Variants in PCDHA5 observed in about 807,000 individuals in gnomAD.
The protein encoded by PCDHA5 is protocadherin alpha 5.
Under a neutral mutation model 61.6 loss-of-function variants are expected in PCDHA5, and 43 were observed. That is an observed-to-expected ratio of 0.70 (90% CI 0.55 to 0.90). PCDHA5 has a LOEUF of 0.90. Ranked by LOEUF, PCDHA5 falls within the 40% of genes least tolerant of loss-of-function variation. The probability of loss-of-function intolerance (pLI) is 0.00; values close to 1 mark genes in which losing one functional copy is unlikely to be tolerated. For synonymous variants in PCDHA5, 627 were observed against 543.9 expected (o/e 1.15, Z -2.13); for missense variants, 1,298 against 1,222.7 (o/e 1.06, Z -0.92).
intron 3 of PCDHA5, among the ~76,000 whole-genome samples, chr5:140,982,945 G>A (rs2097017253): frequency 6.6e-6 from 1 of 151,722 alleles, no homozygotes; most frequent in Non-Finnish European, 1.5e-5. Flanking sequence ...TTTGGTTGAA[G>A]ACTATGGAAA....
At chr5:140,881,559 C>A (rs1293330721) in intron 1 of PCDHA5, among the ~76,000 whole-genome samples, 1 of 152,174 alleles carries the variant, frequency 6.6e-6, no homozygotes, top group East Asian at 1.9e-4. Context: ...ATATAAATAT[C>A]TTATCTACAT....
chr5:140,822,636 T>A lies in PCDHA5; in HGVS notation c.861T>A (p.Asp287Glu). The change falls in exon 1 of 4, where the codon GAT becomes GAA. Residue 287 changes from aspartate to glutamate, a missense_variant. Coordinates refer to ENST00000529859, the MANE Select transcript of PCDHA5 (RefSeq NM_018908.3). Reference sequence around the variant, plus strand: ...TCTTTAGTAATCTTGTTCTTGACGATGTAAAGTCCAAATTTATAATTAATT... The same window carrying A: ...TCTTTAGTAATCTTGTTCTTGACGAAGTAAAGTCCAAATTTATAATTAATT... Reference protein sequence around the residue: ...VYFFSNLVLDDVKSKFIINSN... With the variant: ...VYFFSNLVLDEVKSKFIINSN... 1 of 1,610,778 alleles carries A rather than the reference T, an allele frequency of 6.2e-7. No homozygotes were observed. Among genetic ancestry groups the A allele is most frequent in the Non-Finnish European group, 8.5e-7 (1 of 1,177,920 alleles).
intron 1 of PCDHA5, among the ~76,000 whole-genome samples, chr5:140,905,180 TAA>T (rs2071657008): frequency 6.6e-6 from 1 of 152,224 alleles, no homozygotes; most frequent in Non-Finnish European, 1.5e-5. Flanking sequence ...GTTTTAGATT[TAA>T]GTCTTTGATC....
At chr5:140,959,343 C>T (rs1370310453) in intron 1 of PCDHA5, among the ~76,000 whole-genome samples, 1 of 152,052 alleles carries the variant, frequency 6.6e-6, no homozygotes, top group Admixed American at 6.6e-5. Context: ...CTACTGCACT[C>T]CAGCGGGACA....
At chr5:140,973,272 TC>T (rs1412629943) in intron 1 of PCDHA5, among the ~76,000 whole-genome samples, 1 of 152,134 alleles carries the variant, frequency 6.6e-6, no homozygotes, top group African/African-American at 2.4e-5. Flanking sequence ...TACTTTTATT[TC>T]CCCCAGCACT....
In PCDHA5 at chr5:141,005,071, G is replaced by A. The variant is rs115656219; in HGVS notation, c.2501-4556G>A. On this transcript the variant is annotated intron_variant, in intron 3 of 3. Coordinates refer to ENST00000529859, the MANE Select transcript of PCDHA5 (RefSeq NM_018908.3). ...TACTGAATTCTTGCATTGTGCTAAG[G>A]ATCAAGCTTAGTACTTTACATGCAT... 5.2e-3 allele frequency among the ~76,000 whole-genome samples: 796 copies of A among 152,278 alleles called. 8 individuals are homozygous for A. The highest frequency in any genetic ancestry group is 0.018 in the African/African-American group (745 of 41,556).
At chr5:140,836,351 G>C (rs151141737) in intron 1 of PCDHA5, 18 of 1,613,578 alleles carry the variant, frequency 1.1e-5, no homozygotes, top group Non-Finnish European at 1.5e-5. Flanking sequence ...ACCACGGGGA[G>C]CCCTCGCTGA....
At chr5:140,827,753 TTTAAA>T (rs1769386712) in intron 1 of PCDHA5, among the ~76,000 whole-genome samples, 1 of 152,340 alleles carries the variant, frequency 6.6e-6, no homozygotes, top group South Asian at 2.1e-4. Context: ...GATCCCTTAC[TTTAAA>T]TTAATAAAAG....
chr5:140,882,859 G>A (rs2059337136), intron 1 of PCDHA5: 1 of 1,614,192 alleles, frequency 6.2e-7, no homozygotes, highest in East Asian at 2.2e-5. Context: ...TTGTACTGAG[G>A]AAAACACTGG....
chr5:140,822,002 T>G lies in PCDHA5; in HGVS notation c.227T>G (p.Val76Gly). 6.2e-7 allele frequency: 1 copy of G among 1,614,048 alleles called. No homozygotes were observed. Among genetic ancestry groups the G allele is most frequent in the Non-Finnish European group, 8.5e-7 (1 of 1,180,040 alleles). ...ASKGRGDLLEVNLQNGILFVN... is the reference protein window; with the variant it reads ...ASKGRGDLLEGNLQNGILFVN... ...AAGGGCCGCGGGGACCTTCTGGAGG[T>G]AAATCTGCAGAATGGCATTTTGTTT... Residue 76 changes from valine to glycine, a missense_variant, in exon 1 of 4, where the codon GTA (valine) becomes GGA (glycine). Val to Gly is a moderately radical substitution (Grantham distance 109, BLOSUM62 -3). Coordinates refer to ENST00000529859, the MANE Select transcript of PCDHA5 (RefSeq NM_018908.3).
At chr5:140,906,253 A>ACCTC (rs1329710908) in intron 1 of PCDHA5, among the ~76,000 whole-genome samples, 2 of 152,064 alleles carry the variant, frequency 1.3e-5, no homozygotes, top group African/African-American at 4.8e-5. Flanking sequence ...ACCCATACAC[A>ACCTC]CCTCCTGAAA....
rs543277248 is a variant in PCDHA5, at chr5:140,857,767, C to A, written c.2352+33640C>A. ...TGGCGTCTCCCGCTGGCAGCGCGGG[C>A]GGTGCAGTCAGTGAGCTGGTGCTGC... On this transcript the variant is annotated intron_variant, in intron 1 of 3. Coordinates refer to ENST00000529859, the MANE Select transcript of PCDHA5 (RefSeq NM_018908.3). 127 of 1,597,456 alleles carry A rather than the reference C, an allele frequency of 8.0e-5. 4 individuals are homozygous for A. The South Asian group carries it at 1.3e-3, about 16-fold the overall frequency.
In PCDHA5 at chr5:140,875,548, G is replaced by A. The variant is rs782463775; in HGVS notation, c.2352+51421G>A. On this transcript the variant is annotated intron_variant, in intron 1 of 3. Coordinates refer to ENST00000529859, the MANE Select transcript of PCDHA5 (RefSeq NM_018908.3). ...GCTTCTGCTCCTTGCAGCCTGGGAG[G>A]TGGGGAGCGGCCAGCTCCACTACTC... 24 of 1,614,054 alleles carry A rather than the reference G, an allele frequency of 1.5e-5. 1 individual carries two copies. The Admixed American group carries it at 3.5e-4, about 24-fold the overall frequency.
chr5:141,007,812 G>C (rs1446053616), intron 3 of PCDHA5, among the ~76,000 whole-genome samples: 2 of 152,078 alleles, frequency 1.3e-5, no homozygotes, highest in Non-Finnish European at 2.9e-5. Context: ...CCATTCATTT[G>C]CCTTCCCCCA....
chr5:140,923,456 G>T (rs1554201450), intron 1 of PCDHA5, among the ~76,000 whole-genome samples: 3 of 152,134 alleles, frequency 2.0e-5, no homozygotes, highest in African/African-American at 7.2e-5. Flanking sequence ...TGAGCCCAGA[G>T]AGGTAGGGGC....
chr5:140,914,755 T>G (rs1175753765), intron 1 of PCDHA5, among the ~76,000 whole-genome samples: 1 of 152,270 alleles, frequency 6.6e-6, no homozygotes, highest in East Asian at 1.9e-4. Flanking sequence ...CCATTTGAGG[T>G]TACATGAGGT....
chr5:140,915,093 G>A (rs1397392191), intron 1 of PCDHA5, among the ~76,000 whole-genome samples: 3 of 151,622 alleles, frequency 2.0e-5, no homozygotes, highest in Non-Finnish European at 2.9e-5. Flanking sequence ...CTATGGGCAC[G>A]CACCACCACA....
At chr5:140,959,886 G>A (rs1171381497) in intron 1 of PCDHA5, among the ~76,000 whole-genome samples, 1 of 152,194 alleles carries the variant, frequency 6.6e-6, no homozygotes, top group Non-Finnish European at 1.5e-5. Flanking sequence ...GAATACACGA[G>A]TGGGATTTAT....
chr5:140,981,446 T>C (rs1586884316), intron 2 of PCDHA5, among the ~76,000 whole-genome samples: 4 of 152,058 alleles, frequency 2.6e-5, no homozygotes, highest in Admixed American at 1.3e-4. Context: ...TGGTGGCGGG[T>C]GCCTGTAGTC....
Sources: gnomAD v4.1 joint callset for allele counts (sites outside exome capture counted in the v4.1 genomes callset) on GRCh38, gnomAD v4.1.1 for gene constraint, MANE v1.5 for transcripts, NCBI Gene and HGNC (gene_info 2026-07-23, HGNC 2026-07-21) for gene names.